The following CMIP variants were observed in gnomAD, a reference collection of about 807,000 sequenced individuals.
CMIP encodes the protein c-Maf inducing protein.
CMIP carries 13 observed loss-of-function variants against 97.3 expected under a neutral mutation model. The ratio of observed to expected loss-of-function variants is 0.13; its 90% CI spans 0.09 to 0.21. The LOEUF (loss-of-function observed/expected upper bound fraction) is 0.21. Among genes scored for constraint, CMIP ranks in the 10% least tolerant of loss-of-function variants. The pLI is 1.00. For synonymous variants in CMIP, 538 were observed against 436.3 expected, an observed-to-expected ratio of 1.23 and a Z score of -2.91; for missense variants, 847 against 1,024.9, an observed-to-expected ratio of 0.83 and a Z score of 2.37.
intron 19 of CMIP, among the ~76,000 whole-genome samples, chr16:81,706,658 G>GT (rs1237085763): frequency 6.6e-6 from 1 of 152,220 alleles, no homozygotes; most frequent in African/African-American, 2.4e-5. Flanking sequence ...ACGACGGGGG[G>GT]ACCATCCGGG....
chr16:81,658,913 C>A (rs1453274712), intron 5 of CMIP, among the ~76,000 whole-genome samples: 1 of 152,212 alleles, frequency 6.6e-6, no homozygotes, highest in Non-Finnish European at 1.5e-5. Context: ...CCCTGGCAAG[C>A]CTAGCTGGGT....
chr16:81,602,610 T>C (rs774284022), intron 1 of CMIP, among the ~76,000 whole-genome samples: 2 of 152,202 alleles, frequency 1.3e-5, no homozygotes, highest in Non-Finnish European at 2.9e-5. Flanking sequence ...CTGGCAACCA[T>C]GGGTGTGATT....
At chr16:81,695,144 G>A (rs1276668370) in intron 13 of CMIP, among the ~76,000 whole-genome samples, 1 of 152,208 alleles carries the variant, frequency 6.6e-6, no homozygotes, top group Non-Finnish European at 1.5e-5. Flanking sequence ...CTGCCGGTCT[G>A]GAAGGAGCCA....
intron 1 of CMIP, among the ~76,000 whole-genome samples, chr16:81,559,816 AAC>A (rs2090841422): frequency 6.6e-6 from 1 of 152,202 alleles, no homozygotes; most frequent in African/African-American, 2.4e-5. Context: ...TGAGCCATAA[AAC>A]AGCCTCAGGC....
chr16:81,643,135 C>G (rs1464088567), intron 3 of CMIP, among the ~76,000 whole-genome samples: 1 of 152,244 alleles, frequency 6.6e-6, no homozygotes, highest in East Asian at 1.9e-4. Flanking sequence ...GTATGAACCT[C>G]TCCTCTCCTC....
intron 1 of CMIP, among the ~76,000 whole-genome samples, chr16:81,603,690 G>A (rs2150936368): frequency 6.6e-6 from 1 of 152,282 alleles, no homozygotes; most frequent in Middle Eastern, 3.4e-3. Context: ...AGCTGCTCAG[G>A]CTTTCCTCAT....
At chr16:81,462,021 A>G (rs953661351) in intron 1 of CMIP, among the ~76,000 whole-genome samples, 5 of 152,190 alleles carry the variant, frequency 3.3e-5, no homozygotes, top group South Asian at 2.1e-4. Context: ...TCGGAAACCC[A>G]TGGAACTGTG....
chr16:81,468,860 C>T (rs1307613081), intron 1 of CMIP, among the ~76,000 whole-genome samples: 3 of 152,326 alleles, frequency 2.0e-5, no homozygotes, highest in Middle Eastern at 3.4e-3. Flanking sequence ...GGCACACGCT[C>T]CATAGGCCTC....
chr16:81,508,594 A>G (rs570163247), intron 1 of CMIP, among the ~76,000 whole-genome samples: 2 of 152,366 alleles, frequency 1.3e-5, no homozygotes, highest in African/African-American at 4.8e-5. Flanking sequence ...GACAAATGCA[A>G]AAATGTCTCT....
chr16:81,656,073 C>A (rs1398779113), intron 4 of CMIP, among the ~76,000 whole-genome samples: 1 of 152,184 alleles, frequency 6.6e-6, no homozygotes, highest in East Asian at 1.9e-4. Flanking sequence ...AAAGCGTGTT[C>A]AGATCCAAAA....
chr16:81,599,708 C>T (rs2091625038), intron 1 of CMIP, among the ~76,000 whole-genome samples: 1 of 152,178 alleles, frequency 6.6e-6, no homozygotes, highest in Non-Finnish European at 1.5e-5. Flanking sequence ...AATCCTGGGC[C>T]TGTCTTATAA....
intron 10 of CMIP, among the ~76,000 whole-genome samples, chr16:81,683,563 T>G (rs556093014): frequency 1.4e-3 from 208 of 151,638 alleles, no homozygotes; most frequent in Admixed American, 2.6e-3. Flanking sequence ...CTAATTTTTG[T>G]ATTTTTAGTA....
chr16:81,693,340 C>A (rs1022825761), intron 12 of CMIP, 99 bp from the exon 13 acceptor site: 2 of 1,513,796 alleles, frequency 1.3e-6, no homozygotes, highest in South Asian at 2.4e-5. Flanking sequence ...TTGCCCAGCT[C>A]CCTGGCCCGT....
intron 1 of CMIP, among the ~76,000 whole-genome samples, chr16:81,474,868 G>A (rs1249734086): frequency 5.9e-5 from 9 of 152,250 alleles, no homozygotes; most frequent in South Asian, 2.1e-4. Context: ...GGGGGCGGGC[G>A]GGGAGGGAGT....
intron 1 of CMIP, among the ~76,000 whole-genome samples, chr16:81,490,741 G>C: frequency 6.6e-6 from 1 of 152,176 alleles, no homozygotes; most frequent in East Asian, 1.9e-4. Context: ...GCTAACACTT[G>C]ATGTGAAACT....
At chr16:81,566,073 G>A (rs764860136) in intron 1 of CMIP, among the ~76,000 whole-genome samples, 4 of 152,224 alleles carry the variant, frequency 2.6e-5, no homozygotes, top group African/African-American at 7.2e-5. Flanking sequence ...CCTGGGAGAC[G>A]TTGACTGTCG....
chr16:81,703,750 C>T (rs931539177), intron 17 of CMIP, 189 bp from the exon 18 acceptor site: 8 of 700,184 alleles, frequency 1.1e-5, no homozygotes, highest in African/African-American at 9.0e-5. Context: ...GTGGCAGCCC[C>T]TCCCTCTCTG....
chr16:81,619,258 AC>A (rs1209988374), intron 2 of CMIP: 1 of 151,894 alleles, frequency 6.6e-6, no homozygotes, highest in African/African-American at 2.4e-5. Context: ...AGGGTTCAAA[AC>A]TCTGAGTCCC....
chr16:81,563,768 C>T (rs2150876675), intron 1 of CMIP, among the ~76,000 whole-genome samples: 1 of 152,344 alleles, frequency 6.6e-6, no homozygotes, highest in East Asian at 1.9e-4. Flanking sequence ...CAGAGGTGCC[C>T]TGGGAGACAG....
Sources: gnomAD v4.1 joint callset for allele counts (sites outside exome capture counted in the v4.1 genomes callset) on GRCh38, gnomAD v4.1.1 for gene constraint, MANE v1.5 for transcripts, NCBI Gene and HGNC (gene_info 2026-07-23, HGNC 2026-07-21) for gene names.